SLC22A5: variants seen among roughly 807,000 people sequenced by gnomAD.
The protein encoded by SLC22A5 is organic cation/carnitine transporter 2.
A neutral mutation model predicts 56.7 loss-of-function variants in SLC22A5; 44 were observed. The observed-to-expected ratio is 0.78, with a 90% CI of 0.61 to 1.00. The LOEUF (loss-of-function observed/expected upper bound fraction) is 1.00. Ranked by LOEUF, SLC22A5 falls within the 50% of genes least tolerant of loss-of-function variation. SLC22A5 has a pLI of 0.00. For missense variants in SLC22A5, 675 were observed against 723.0 expected, an observed-to-expected ratio of 0.93 and a Z score of 0.76; for synonymous variants, 278 against 292.1, an observed-to-expected ratio of 0.95 and a Z score of 0.49.
chr5:132,389,162 G>A, intron 6 of SLC22A5, 141 bp downstream of exon 6: 1 of 668,854 alleles, frequency 1.5e-6, no homozygotes, highest in South Asian at 1.6e-5. Flanking sequence ...TGTGTTAGAT[G>A]GAAAAAATGG....
At chr5:132,380,830 A>G (rs1301067697) in intron 2 of SLC22A5, 1 of 152,046 alleles carries the variant, frequency 6.6e-6, no homozygotes, top group Non-Finnish European at 1.5e-5. Flanking sequence ...TGGATATGGT[A>G]CTGCATGAGA....
intron 1 of SLC22A5, chr5:132,377,983 C>A: frequency 1.1e-6 from 1 of 950,112 alleles, no homozygotes; most frequent in Non-Finnish European, 1.5e-6. Context: ...CTTCCAGAAC[C>A]ACTCCAGTGA....
At chr5:132,375,226 A>C (rs1264238902) in intron 1 of SLC22A5, among the ~76,000 whole-genome samples, 2 of 152,224 alleles carry the variant, frequency 1.3e-5, no homozygotes, top group African/African-American at 4.8e-5. Context: ...CCTCTCTTCT[A>C]TACAGGGGGC....
At chr5:132,383,719 G>T in intron 2 of SLC22A5, 1 of 244,420 alleles carries the variant, frequency 4.1e-6, no homozygotes, top group Non-Finnish European at 8.1e-6. Flanking sequence ...ATTATTGGTT[G>T]CTGTTCACAT....
chr5:132,371,280 A>C (rs1254609152), intron 1 of SLC22A5, among the ~76,000 whole-genome samples: 5 of 152,282 alleles, frequency 3.3e-5, no homozygotes. Flanking sequence ...TCACTCTTTA[A>C]GATCCATTCA....
Position 132,384,274 on chromosome 5 carries a change from T to A in SLC22A5, c.625T>A (p.Ser209Thr). ...LFVLVGMGQI[S>T]NYVAAFVLGT... ...TGTCCTTGTAGGCATGGGCCAGATC[T>A]CCAACTATGTGGCAGCATTTGTCCT... Residue 209 changes from serine (S) to threonine (T), a missense_variant, in exon 3 of 10, where the codon TCC becomes ACC. Physicochemically the swap from Ser to Thr is moderately conservative, Grantham distance 58 (BLOSUM62 1). Coordinates refer to ENST00000245407, the MANE Select transcript of SLC22A5 (RefSeq NM_003060.4). The A allele has an allele frequency of 6.2e-7, 1 of 1,614,246 alleles. No individual in the cohort carries two copies. The highest frequency in any genetic ancestry group is 8.5e-7 in the Non-Finnish European group (1 of 1,180,048).
Position 132,369,839 on chromosome 5 carries a change from C to A in SLC22A5, c.-134C>A. On this transcript the variant is annotated 5_prime_UTR_variant, in exon 1 of 10. Coordinates refer to ENST00000245407, the MANE Select transcript of SLC22A5 (RefSeq NM_003060.4). ...CAAGGCGGCGGTGTCAGCTCGCGAG[C>A]CTACCCTCCGCGGACGGTCTTGGGT... 8.5e-7 allele frequency: 1 copy of A among 1,179,692 alleles called. No individual in the cohort carries two copies. Among genetic ancestry groups the A allele is most frequent in the Non-Finnish European group, 1.2e-6 (1 of 867,988 alleles). 73.1% of individuals were successfully genotyped at this position (1,179,692 alleles called of 1,614,324 possible).
At chr5:132,374,238 G>A (rs1481229237) in intron 1 of SLC22A5, among the ~76,000 whole-genome samples, 1 of 151,216 alleles carries the variant, frequency 6.6e-6, no homozygotes, top group East Asian at 1.9e-4. Context: ...AAAAGAAAAA[G>A]AAAAGAAACT....
Position 132,369,850 on chromosome 5 carries a change from CGG to C in SLC22A5, c.-122_-121del. 7.7e-7 allele frequency: 1 copy of C among 1,297,790 alleles called. No individual in the cohort carries two copies. Among genetic ancestry groups the C allele is most frequent in the Non-Finnish European group, 1.0e-6 (1 of 971,010 alleles). The allele number at this position is 1,297,790 out of a possible 1,614,324, so 80.4% of individuals were successfully genotyped here. A position where few individuals can be genotyped will look rare whatever the true frequency, so the allele number is the denominator to read the frequency against. On this transcript the variant is annotated 5_prime_UTR_variant, in exon 1 of 10. Coordinates refer to ENST00000245407, the MANE Select transcript of SLC22A5 (RefSeq NM_003060.4). ...TGTCAGCTCGCGAGCCTACCCTCCG[CGG>C]ACGGTCTTGGGTCGCCTGCTGCCTG...
Position 132,370,329 on chromosome 5 carries a change from C to T in SLC22A5, c.357C>T (p.Phe119=), listed in dbSNP as rs776127629. Residue 119 remains phenylalanine, a synonymous_variant, in exon 1 of 10, where the codon TTC becomes TTT. Transcript: ENST00000245407. ...EQESCLDGWE[F]SQDVYLSTIV... is the part of the protein sequence containing the mutation. ...AGAGCTGTCTGGATGGCTGGGAGTT[C>T]AGTCAGGACGTCTACCTGTCCACCA... The T allele has an allele frequency of 2.5e-6, 4 of 1,612,116 alleles. No individual in the cohort carries two copies. Among genetic ancestry groups the T allele is most frequent in the Non-Finnish European group, 8.5e-7 (1 of 1,179,654 alleles).
rs993805290 is a variant in SLC22A5, at chr5:132,395,359, T to C, written c.*1087T>C. 6.5e-6 allele frequency: 1 copy of C among 152,736 alleles called. No homozygotes were observed. The highest frequency in any genetic ancestry group is 1.5e-5 in the Non-Finnish European group (1 of 68,044). The allele number at this position is 152,736 out of a possible 1,614,324, so 9.5% of individuals were successfully genotyped here. On this transcript the variant is annotated 3_prime_UTR_variant, in exon 10 of 10. Coordinates refer to ENST00000245407, the MANE Select transcript of SLC22A5 (RefSeq NM_003060.4). ...GTGTTCCTTTCTTGATACTTAGTCA[T>C]GGGAGGATATTACAAAAAAGAAATT... is the stretch of plus-strand genomic sequence containing the variant.
chr5:132,370,602 G>A (rs1381158961), intron 1 of SLC22A5, among the ~76,000 whole-genome samples: 1 of 152,184 alleles, frequency 6.6e-6, no homozygotes, highest in Non-Finnish European at 1.5e-5. Flanking sequence ...CTCCCGTCCT[G>A]ATGGCCACTT....
chr5:132,388,272 G>A (rs1752596989), intron 5 of SLC22A5, among the ~76,000 whole-genome samples: 1 of 152,194 alleles, frequency 6.6e-6, no homozygotes, highest in Non-Finnish European at 1.5e-5. Context: ...GTCCAAAGTT[G>A]ACCTTTTGTT....
At position 132,394,237 on chromosome 5, in the gene SLC22A5, G is replaced by T; in HGVS notation, c.1639G>T (p.Glu547Ter). Reference protein sequence around the residue: ...SHTRMLKDGQERPTILKSTAF With the variant: ...SHTRMLKDGQ Reference sequence around the variant, plus strand: ...CACAAGGATGTTAAAAGATGGTCAAGAAAGGCCCACAATCCTTAAAAGCAC... The same window carrying T: ...CACAAGGATGTTAAAAGATGGTCAATAAAGGCCCACAATCCTTAAAAGCAC... The change falls in exon 10 of 10, where the codon GAA (glutamate) becomes TAA (stop). Residue 547 changes from glutamate (E) to a stop codon, truncating the protein, a stop_gained. Coordinates refer to ENST00000245407, the MANE Select transcript of SLC22A5 (RefSeq NM_003060.4). LOFTEE classifies it high-confidence loss of function. 4 of 1,613,846 alleles carry T rather than the reference G, an allele frequency of 2.5e-6. No homozygotes were observed. Among genetic ancestry groups the T allele is most frequent in the Non-Finnish European group, 3.4e-6 (4 of 1,179,646 alleles).
intron 2 of SLC22A5, chr5:132,379,206 A>G (rs539645576): frequency 1.3e-5 from 2 of 153,894 alleles, no homozygotes; most frequent in East Asian, 3.8e-4. Flanking sequence ...CGTAGCTTTC[A>G]TGAAGTTCTT....
intron 1 of SLC22A5, among the ~76,000 whole-genome samples, chr5:132,373,567 C>T (rs1454105581): frequency 6.6e-6 from 1 of 151,930 alleles, no homozygotes; most frequent in Non-Finnish European, 1.5e-5. Context: ...ACCCAGGAGG[C>T]GGGCTTTGCA....
rs200136788 is a variant in SLC22A5 at position 132,378,360 on chromosome 5, C to A, written c.394-18C>A. 2 of 1,612,700 alleles carry A rather than the reference C, an allele frequency of 1.2e-6. No homozygotes were observed. Among genetic ancestry groups the A allele is most frequent in the Non-Finnish European group, 1.7e-6 (2 of 1,178,690 alleles). On this transcript the variant is annotated intron_variant, in intron 1 of 9. Transcript: ENST00000245407. ...TTAAAAAGAAGTGAATGATACACCC[C>A]CTTTGCTCATCTTGCAGTGGAACCT...
chr5:132,390,226 T>C, intron 6 of SLC22A5: 1 of 283,794 alleles, frequency 3.5e-6, no homozygotes, highest in South Asian at 3.5e-5. Flanking sequence ...TGTGAGGGTC[T>C]CTCTCCAAGT....
chr5:132,382,656 G>A (rs994591914), intron 2 of SLC22A5: 1 of 152,164 alleles, frequency 6.6e-6, no homozygotes, highest in Admixed American at 6.5e-5. Context: ...CCCCAGTCCA[G>A]GGTAGCTTCC....
Sources: allele counts gnomAD v4.1 joint callset (sites outside exome capture counted in the v4.1 genomes callset), GRCh38; gene constraint gnomAD v4.1.1; transcripts MANE v1.5; gene names NCBI Gene and HGNC (gene_info 2026-07-23, HGNC 2026-07-21).